THRB: variants seen among roughly 807,000 people sequenced by gnomAD.
THRB encodes thyroid hormone receptor beta, also known as nuclear receptor subfamily 1 group A member 2.
Under a neutral mutation model 47.8 loss-of-function variants are expected in THRB, and 12 were observed. The ratio of observed to expected loss-of-function variants is 0.25; its 90% CI spans 0.16 to 0.41. The LOEUF (loss-of-function observed/expected upper bound fraction) is 0.41. Ranked by LOEUF, THRB falls within the 10% of genes least tolerant of loss-of-function variation. The probability of loss-of-function intolerance (pLI) is 1.00; values close to 1 mark genes in which losing one functional copy is unlikely to be tolerated. For synonymous variants in THRB, 218 were observed against 212.2 expected (o/e 1.03, Z -0.24); for missense variants, 348 against 589.2 (o/e 0.59, Z 4.24).
chr3:24,245,225 G>A (rs1005654325), intron 3 of THRB, among the ~76,000 whole-genome samples: 1 of 151,352 alleles, frequency 6.6e-6, no homozygotes, highest in African/African-American at 2.4e-5. Flanking sequence ...GAGGGCCAGA[G>A]GACTGAGAAA....
intron 1 of THRB, among the ~76,000 whole-genome samples, chr3:24,367,865 T>C (rs1470619083): frequency 6.6e-6 from 1 of 152,108 alleles, no homozygotes; most frequent in East Asian, 1.9e-4. Flanking sequence ...GTGATTGCCA[T>C]GGGGACAAAT....
chr3:24,449,827 GAAT>G (rs760134963), intron 1 of THRB, among the ~76,000 whole-genome samples: 34 of 152,264 alleles, frequency 2.2e-4, no homozygotes, highest in African/African-American at 7.5e-4. Context: ...AAGTTTGAGT[GAAT>G]AATAGGACGC....
chr3:24,406,759 A>C (rs2067857993), intron 1 of THRB, among the ~76,000 whole-genome samples: 1 of 151,918 alleles, frequency 6.6e-6, no homozygotes, highest in African/African-American at 2.4e-5. Context: ...GTATAAATGT[A>C]CTCCACTAAA....
chr3:24,179,925 G>A (rs2041674034), intron 5 of THRB, among the ~76,000 whole-genome samples: 1 of 152,164 alleles, frequency 6.6e-6, no homozygotes, highest in Non-Finnish European at 1.5e-5. Context: ...ATTTAAGAAT[G>A]AGCATGTCGT....
chr3:24,149,786 G>A (rs1398864284), intron 6 of THRB, among the ~76,000 whole-genome samples: 1 of 152,126 alleles, frequency 6.6e-6, no homozygotes, highest in African/African-American at 2.4e-5. Context: ...TTAACTCTTG[G>A]AAGTGGACTT....
chr3:24,279,136 T>C (rs753756062), intron 3 of THRB, among the ~76,000 whole-genome samples: 7 of 152,370 alleles, frequency 4.6e-5, no homozygotes, highest in Non-Finnish European at 4.4e-5. Flanking sequence ...TGAACCTCTA[T>C]GACTGGCTTA....
intron 4 of THRB, among the ~76,000 whole-genome samples, chr3:24,190,884 G>GA (rs59313395): frequency 0.032 from 4,160 of 131,354 alleles, 66 homozygotes; most frequent in African/African-American, 0.049. Context: ...CCTACAAAAA[G>GA]AAAAAAAAAA....
chr3:24,284,053 CT>C (rs2054944720), intron 3 of THRB, among the ~76,000 whole-genome samples: 1 of 138,008 alleles, frequency 7.2e-6, no homozygotes, highest in Non-Finnish European at 1.6e-5. Context: ...CTACCAATGA[CT>C]TTCTTCACAG....
chr3:24,441,515 G>T (rs907069780), intron 1 of THRB, among the ~76,000 whole-genome samples: 1 of 152,216 alleles, frequency 6.6e-6, no homozygotes, highest in African/African-American at 2.4e-5. Flanking sequence ...TCCCTTTGGG[G>T]AGGTACAAGA....
intron 1 of THRB, among the ~76,000 whole-genome samples, chr3:24,407,636 C>T (rs1187896581): frequency 6.6e-6 from 1 of 151,824 alleles, no homozygotes; most frequent in African/African-American, 2.4e-5. Context: ...TGAATCTAGA[C>T]CCTCTTACTG....
intron 3 of THRB, among the ~76,000 whole-genome samples, chr3:24,276,160 T>C (rs1183359795): frequency 6.6e-6 from 1 of 152,170 alleles, no homozygotes; most frequent in Non-Finnish European, 1.5e-5. Flanking sequence ...ATGGCTATGC[T>C]AAGTAGTATT....
intron 3 of THRB, among the ~76,000 whole-genome samples, chr3:24,289,217 G>A (rs920739089): frequency 1.3e-5 from 2 of 152,130 alleles, no homozygotes; most frequent in African/African-American, 2.4e-5. Context: ...AATGAAACAC[G>A]TAGGATTTAA....
intron 1 of THRB, among the ~76,000 whole-genome samples, chr3:24,478,849 A>T (rs967833736): frequency 2.6e-5 from 4 of 152,208 alleles, no homozygotes; most frequent in African/African-American, 7.2e-5. Flanking sequence ...AGGTAGAACT[A>T]AAGTCTAAAC....
intron 2 of THRB, among the ~76,000 whole-genome samples, chr3:24,299,607 C>T (rs980926761): frequency 6.6e-6 from 1 of 151,698 alleles, no homozygotes; most frequent in African/African-American, 2.4e-5. Flanking sequence ...ATTTCCCCCA[C>T]AATTTTTTAA....
At chr3:24,461,218 G>C (rs753213381) in intron 1 of THRB, among the ~76,000 whole-genome samples, 9 of 152,092 alleles carry the variant, frequency 5.9e-5, no homozygotes, top group Non-Finnish European at 1.3e-4. Context: ...GCAGGCCTGG[G>C]GTCAAGTCTG....
chr3:24,379,209 A>T (rs1445665910), intron 1 of THRB, among the ~76,000 whole-genome samples: 1 of 152,154 alleles, frequency 6.6e-6, no homozygotes, highest in Non-Finnish European at 1.5e-5. Flanking sequence ...TATAAGCACA[A>T]ATTTGTATAA....
At chr3:24,412,783 AT>A (rs573773073) in intron 1 of THRB, among the ~76,000 whole-genome samples, 320 of 151,998 alleles carry the variant, frequency 2.1e-3, no homozygotes, top group Non-Finnish European at 3.5e-3. Context: ...AAAAGTCACT[AT>A]TTTTACAATT....
rs1229810525 is a variant in THRB at position 24,122,655 on chromosome 3, C to G, written c.*229G>C. ...TTGTCCCCCACCCCACCTCCACAAC[C>G]ATAAAACCTTCAGAGCATTCACATC... On this transcript the variant is annotated 3_prime_UTR_variant, in exon 11 of 11. Coordinates refer to ENST00000646209, the MANE Select transcript of THRB (RefSeq NM_001354712.2). The G allele has an allele frequency of 5.1e-6, 3 of 587,734 alleles. No individual in the cohort carries two copies. The highest frequency in any genetic ancestry group is 8.9e-6 in the Non-Finnish European group (3 of 335,272). 36.4% of individuals were successfully genotyped at this position (587,734 alleles called of 1,614,324 possible). A position where few individuals can be genotyped will look rare whatever the true frequency, so the allele number is the denominator to read the frequency against.
chr3:24,395,590 C>T (rs893784725), intron 1 of THRB, among the ~76,000 whole-genome samples: 8 of 152,004 alleles, frequency 5.3e-5, no homozygotes, highest in Admixed American at 3.9e-4. Flanking sequence ...ACTAGAATGG[C>T]TATCATCAAA....
Sources: allele counts gnomAD v4.1 joint callset (sites outside exome capture counted in the v4.1 genomes callset), GRCh38; gene constraint gnomAD v4.1.1; transcripts MANE v1.5; gene names NCBI Gene and HGNC (gene_info 2026-07-23, HGNC 2026-07-21).